PDGFC: variants seen among roughly 807,000 people sequenced by gnomAD.
The protein encoded by PDGFC is platelet-derived growth factor C.
Under a neutral mutation model 35.5 loss-of-function variants are expected in PDGFC, and 12 were observed. That is an observed-to-expected ratio of 0.34 (90% CI 0.22 to 0.55). PDGFC has a LOEUF of 0.55. Among genes scored for constraint, PDGFC ranks in the 20% least tolerant of loss-of-function variants. The pLI is 0.91. For missense variants in PDGFC, 322 were observed against 412.4 expected (o/e 0.78, Z 1.90); for synonymous variants, 159 against 148.8 (o/e 1.07, Z -0.50).
rs1157158482 is a variant in PDGFC, at chr4:156,926,081, A to C, written c.118+44705T>G. Among the ~76,000 whole-genome samples the C allele has an allele frequency of 2.0e-5, 3 of 151,164 alleles. No individual in the cohort carries two copies. The East Asian group carries it at 5.8e-4, about 29-fold the overall frequency. The stretch of plus-strand genomic sequence containing the variant: ...AAAAAAAAAAAAAAAAAAGACAGAA[A>C]GACAGGGATCCACTACACTACACTA... On this transcript the variant is annotated intron_variant, in intron 1 of 5. Transcript: ENST00000502773.
intron 3 of PDGFC, chr4:156,779,284 G>A (rs1286470832): frequency 2.3e-6 from 1 of 433,262 alleles, no homozygotes; most frequent in Non-Finnish European, 4.6e-6. Flanking sequence ...TTTTAAGCCG[G>A]CAATGAAAAG....
chr4:156,794,676 T>C (rs919160109), intron 3 of PDGFC, among the ~76,000 whole-genome samples: 2 of 152,050 alleles, frequency 1.3e-5, no homozygotes, highest in African/African-American at 4.8e-5. Flanking sequence ...AAGGGTATCA[T>C]TCTAGTAGAA....
chr4:156,893,395 C>A (rs887354797), intron 1 of PDGFC, among the ~76,000 whole-genome samples: 8 of 151,606 alleles, frequency 5.3e-5, no homozygotes, highest in African/African-American at 1.5e-4. Flanking sequence ...ATGCAGTGGG[C>A]AATCACACAC....
chr4:156,903,724 AGT>A (rs1730848776), intron 1 of PDGFC, among the ~76,000 whole-genome samples: 2 of 152,164 alleles, frequency 1.3e-5, no homozygotes, highest in Admixed American at 1.3e-4. Flanking sequence ...GTGTGCAATT[AGT>A]GTGTCTTCCC....
chr4:156,968,156 T>G (rs1047561314), intron 1 of PDGFC, among the ~76,000 whole-genome samples: 1 of 152,150 alleles, frequency 6.6e-6, no homozygotes, highest in Non-Finnish European at 1.5e-5. Context: ...AATACCAAGT[T>G]AATATTAAAA....
In PDGFC at chr4:156,849,599, G is replaced by C. The variant is rs117258368; in HGVS notation, c.314+622C>G. Among the ~76,000 whole-genome samples, 219 of 152,146 alleles carry C rather than the reference G, an allele frequency of 1.4e-3. 4 individuals are homozygous for C. In the East Asian group the frequency reaches 0.038, roughly 26 times the overall value. ...TGTGACATACAGTAGGTGGTCTTTTGCGTGGGTGAAATACTCCAGCTGACT... is the reference window on the plus strand; with the variant it reads ...TGTGACATACAGTAGGTGGTCTTTTCCGTGGGTGAAATACTCCAGCTGACT... On this transcript the variant is annotated intron_variant, in intron 2 of 5. Coordinates refer to ENST00000502773, the MANE Select transcript of PDGFC (RefSeq NM_016205.3).
intron 1 of PDGFC, among the ~76,000 whole-genome samples, chr4:156,924,221 C>T (rs1196711543): frequency 1.3e-5 from 2 of 152,110 alleles, no homozygotes; most frequent in Non-Finnish European, 1.5e-5. Flanking sequence ...AGTGTTTATT[C>T]GTGGGCAGCC....
intron 1 of PDGFC, among the ~76,000 whole-genome samples, chr4:156,963,137 C>T (rs184074271): frequency 1.2e-3 from 190 of 152,038 alleles, no homozygotes; most frequent in African/African-American, 4.5e-3. Flanking sequence ...CAATACATAC[C>T]TCAGTGGACT....
At chr4:156,963,570 G>A (rs915745882) in intron 1 of PDGFC, among the ~76,000 whole-genome samples, 8 of 152,022 alleles carry the variant, frequency 5.3e-5, no homozygotes, top group African/African-American at 1.9e-4. Context: ...AATAGCAAGA[G>A]AGCAAATTTA....
At chr4:156,825,590 T>TAAGAAGAAGAAGAAGAAGAAG (rs1238405953) in intron 2 of PDGFC, among the ~76,000 whole-genome samples, 18 of 78,358 alleles carry the variant, frequency 2.3e-4, no homozygotes, top group African/African-American at 7.4e-4. Context: ...ATAATAATAA[T>TAAGAAGAAGAAGAAGAAGAAG]AATAAGAAGA....
At chr4:156,965,871 C>A (rs1732453601) in intron 1 of PDGFC, among the ~76,000 whole-genome samples, 1 of 152,116 alleles carries the variant, frequency 6.6e-6, no homozygotes, top group African/African-American at 2.4e-5. Context: ...CTAAAAGTGT[C>A]AAAATGCTTA....
intron 1 of PDGFC, among the ~76,000 whole-genome samples, chr4:156,884,473 A>G (rs1730328088): frequency 6.6e-6 from 1 of 152,190 alleles, no homozygotes; most frequent in African/African-American, 2.4e-5. Flanking sequence ...ACTCTGACTC[A>G]CAGATAGGAG....
chr4:156,865,254 C>G (rs1729811947), intron 1 of PDGFC, among the ~76,000 whole-genome samples: 1 of 151,900 alleles, frequency 6.6e-6, no homozygotes, highest in Non-Finnish European at 1.5e-5. Context: ...AGCATGAACA[C>G]AGGGGTATCA....
At chr4:156,804,768 T>C (rs1731714671) in intron 3 of PDGFC, among the ~76,000 whole-genome samples, 1 of 152,034 alleles carries the variant, frequency 6.6e-6, no homozygotes, top group Non-Finnish European at 1.5e-5. Context: ...ACCATATTTA[T>C]TTCTAGAAAA....
At chr4:156,793,410 G>A (rs1468750549) in intron 3 of PDGFC, among the ~76,000 whole-genome samples, 2 of 150,988 alleles carry the variant, frequency 1.3e-5, no homozygotes, top group East Asian at 1.9e-4. Context: ...TCAAACTCAC[G>A]TTGTGACATG....
chr4:156,860,043 A>C (rs1729673579), intron 1 of PDGFC, among the ~76,000 whole-genome samples: 1 of 152,186 alleles, frequency 6.6e-6, no homozygotes, highest in African/African-American at 2.4e-5. Flanking sequence ...GGACAGTGGT[A>C]CTAAAAGAGG....
chr4:156,882,594 A>C (rs1730269768), intron 1 of PDGFC, among the ~76,000 whole-genome samples: 3 of 152,208 alleles, frequency 2.0e-5, no homozygotes, highest in African/African-American at 7.2e-5. Context: ...TTGTAAAGTA[A>C]TTATAGACAA....
At chr4:156,900,230 C>G (rs1023125153) in intron 1 of PDGFC, among the ~76,000 whole-genome samples, 1 of 152,054 alleles carries the variant, frequency 6.6e-6, no homozygotes, top group Non-Finnish European at 1.5e-5. Context: ...CTCTTTTTCC[C>G]GAAATTCCTG....
chr4:156,967,060 A>C (rs1458696233), intron 1 of PDGFC, among the ~76,000 whole-genome samples: 1 of 151,220 alleles, frequency 6.6e-6, no homozygotes, highest in Non-Finnish European at 1.5e-5. Flanking sequence ...GCCTTTAAAC[A>C]ACAAAAATAA....
Sources: allele counts gnomAD v4.1 joint callset (sites outside exome capture counted in the v4.1 genomes callset), GRCh38; gene constraint gnomAD v4.1.1; transcripts MANE v1.5; gene names NCBI Gene and HGNC (gene_info 2026-07-23, HGNC 2026-07-21).